RALGPS2: variants seen among roughly 807,000 people sequenced by gnomAD.
RALGPS2 encodes ras-specific guanine nucleotide-releasing factor RalGPS2.
RALGPS2 carries 43 observed loss-of-function variants against 86.8 expected under a neutral mutation model. That is an observed-to-expected ratio of 0.50 (90% CI 0.39 to 0.64). The LOEUF is 0.64. Among genes scored for constraint, RALGPS2 ranks in the 30% least tolerant of loss-of-function variants. The pLI is 0.00. For missense variants in RALGPS2, 536 were observed against 694.6 expected, an observed-to-expected ratio of 0.77 and a Z score of 2.57; for synonymous variants, 243 against 231.3, an observed-to-expected ratio of 1.05 and a Z score of -0.46.
chr1:178,845,741 C>T (rs1031092756), intron 8 of RALGPS2, among the ~76,000 whole-genome samples: 3 of 152,192 alleles, frequency 2.0e-5, no homozygotes, highest in African/African-American at 7.2e-5. Context: ...CTAGTATTTA[C>T]TTAGCACTGT....
At chr1:178,761,322 G>T (rs915834246) in intron 1 of RALGPS2, among the ~76,000 whole-genome samples, 1 of 151,872 alleles carries the variant, frequency 6.6e-6, no homozygotes, top group Non-Finnish European at 1.5e-5. Flanking sequence ...CCAGCTATTC[G>T]GGAGGCTGAG....
chr1:178,803,312 CTTCT>C (rs1272132455), intron 4 of RALGPS2, among the ~76,000 whole-genome samples: 4 of 152,056 alleles, frequency 2.6e-5, no homozygotes, highest in Non-Finnish European at 5.9e-5. Context: ...TGGAGTTTGA[CTTCT>C]TTGTCAAATG....
At chr1:178,855,171 A>G (rs1224648907) in intron 8 of RALGPS2, among the ~76,000 whole-genome samples, 2 of 152,094 alleles carry the variant, frequency 1.3e-5, no homozygotes, top group Non-Finnish European at 2.9e-5. Flanking sequence ...AGATATGTAC[A>G]GTATTCCTTT....
chr1:178,791,381 G>A (rs971579359), intron 4 of RALGPS2, among the ~76,000 whole-genome samples: 3 of 150,740 alleles, frequency 2.0e-5, no homozygotes, highest in Non-Finnish European at 4.4e-5. Flanking sequence ...CCCCGGCCTC[G>A]GCTTCCCAAA....
chr1:178,904,184 A>G (rs1161149823), intron 18 of RALGPS2, among the ~76,000 whole-genome samples: 1 of 151,776 alleles, frequency 6.6e-6, no homozygotes, highest in African/African-American at 2.4e-5. Flanking sequence ...TCCTTAGCCC[A>G]CTTTTCGATG....
intron 11 of RALGPS2, 105 bp from the exon 12 acceptor site, chr1:178,884,971 C>A: frequency 8.9e-7 from 1 of 1,128,484 alleles, no homozygotes; most frequent in Non-Finnish European, 1.2e-6. Context: ...TTAAATAGAA[C>A]TAACATCAGT....
In RALGPS2 at chr1:178,803,236, A is replaced by G. The variant is rs141918308; in HGVS notation, c.214-4809A>G. ...CAGAAGAGGTGCAAGGATATTCATTATTTGTAATTATAGCATTACTTAACA... is the reference window on the plus strand; with the variant it reads ...CAGAAGAGGTGCAAGGATATTCATTGTTTGTAATTATAGCATTACTTAACA... On this transcript the variant is annotated intron_variant, in intron 4 of 19. Transcript: ENST00000367635. Among the ~76,000 whole-genome samples, 3 of 152,280 alleles carry G rather than the reference A, an allele frequency of 2.0e-5. No homozygotes were observed. In the East Asian group the frequency reaches 5.8e-4, roughly 29 times the overall value.
intron 2 of RALGPS2, among the ~76,000 whole-genome samples, chr1:178,779,619 TA>T (rs1653281834): frequency 6.6e-6 from 1 of 152,252 alleles, no homozygotes; most frequent in South Asian, 2.1e-4. Flanking sequence ...TCAAGTTTCT[TA>T]TTACTGTTCT....
chr1:178,871,399 A>G (rs1359431517), intron 8 of RALGPS2, among the ~76,000 whole-genome samples: 2 of 152,212 alleles, frequency 1.3e-5, no homozygotes, highest in Non-Finnish European at 2.9e-5. Flanking sequence ...ACTTAGAAGT[A>G]GTTGCAGGCT....
chr1:178,852,976 G>C, intron 8 of RALGPS2: 2 of 1,590,650 alleles, frequency 1.3e-6, no homozygotes, highest in East Asian at 2.2e-5. Flanking sequence ...GAAGAAACAT[G>C]AGTGCATAAA....
chr1:178,785,238 C>T (rs1250369378), intron 3 of RALGPS2, among the ~76,000 whole-genome samples: 1 of 151,992 alleles, frequency 6.6e-6, no homozygotes, highest in Non-Finnish European at 1.5e-5. Context: ...CTGTAATCAT[C>T]ATAACAAGAA....
At chr1:178,828,539 A>G (rs1655861777) in intron 7 of RALGPS2, among the ~76,000 whole-genome samples, 1 of 152,244 alleles carries the variant, frequency 6.6e-6, no homozygotes. Context: ...GTCGTTTTGC[A>G]GCACATGACT....
At chr1:178,833,766 T>TA (rs1238990927) in intron 8 of RALGPS2, among the ~76,000 whole-genome samples, 3 of 152,188 alleles carry the variant, frequency 2.0e-5, no homozygotes, top group Non-Finnish European at 4.4e-5. Context: ...AGGTTTTTCT[T>TA]AGACTATTAT....
intron 1 of RALGPS2, among the ~76,000 whole-genome samples, chr1:178,769,451 G>T (rs907764430): frequency 6.6e-6 from 1 of 151,966 alleles, no homozygotes; most frequent in Non-Finnish European, 1.5e-5. Context: ...GGAAAGGGAT[G>T]CTCTGAATAC....
chr1:178,766,221 G>A (rs192435109), intron 1 of RALGPS2, among the ~76,000 whole-genome samples: 1 of 152,244 alleles, frequency 6.6e-6, no homozygotes, highest in Admixed American at 6.5e-5. Flanking sequence ...CACAATTTAT[G>A]TTCTTCGGCC....
At chr1:178,848,165 G>T (rs1214922998) in intron 8 of RALGPS2, among the ~76,000 whole-genome samples, 1 of 151,958 alleles carries the variant, frequency 6.6e-6, no homozygotes, top group Admixed American at 6.6e-5. Context: ...ACGAAAATTA[G>T]CTGGGCATGG....
At chr1:178,727,505 G>A (rs887996919) in intron 1 of RALGPS2, among the ~76,000 whole-genome samples, 2 of 152,200 alleles carry the variant, frequency 1.3e-5, no homozygotes, top group African/African-American at 4.8e-5. Flanking sequence ...AACACAACGT[G>A]CTTTTCTAAT....
chr1:178,744,847 A>C (rs1651229023), intron 1 of RALGPS2, among the ~76,000 whole-genome samples: 1 of 151,600 alleles, frequency 6.6e-6, no homozygotes. Context: ...AGAAAGGAAA[A>C]GGCATCCAGA....
At chr1:178,902,722 C>G (rs983056939) in intron 18 of RALGPS2, among the ~76,000 whole-genome samples, 3 of 152,020 alleles carry the variant, frequency 2.0e-5, no homozygotes, top group African/African-American at 7.2e-5. Flanking sequence ...GCAGTCTTAT[C>G]CACACAGATC....
Sources: allele counts gnomAD v4.1 joint callset (sites outside exome capture counted in the v4.1 genomes callset), GRCh38; gene constraint gnomAD v4.1.1; transcripts MANE v1.5; gene names NCBI Gene and HGNC (gene_info 2026-07-23, HGNC 2026-07-21).